The following PPM1L variants were observed in gnomAD, a reference collection of about 807,000 sequenced individuals.
The protein encoded by PPM1L is protein phosphatase, Mg2+/Mn2+ dependent 1L, also known as protein phosphatase 1L.
Under a neutral mutation model 31.4 loss-of-function variants are expected in PPM1L, and 13 were observed. The ratio of observed to expected loss-of-function variants is 0.41; its 90% CI spans 0.27 to 0.66. PPM1L has a LOEUF of 0.66. PPM1L is among the 30% of genes least tolerant of loss of function. The pLI, the probability that PPM1L is intolerant of heterozygous loss-of-function variation, is 0.29. For missense variants in PPM1L, 326 were observed against 453.7 expected (o/e 0.72, Z 2.56); for synonymous variants, 184 against 175.4 (o/e 1.05, Z -0.39).
rs1719842853 is a variant in PPM1L at position 161,069,410 on chromosome 3, A to G, written c.*253A>G. On this transcript the variant is annotated 3_prime_UTR_variant, in exon 4 of 4. Transcript: ENST00000498165. ...TCCAGTGTCCAAAATATATAAGTAA[A>G]TAGCTGTAGAGTCACATATATGAAG... is the stretch of plus-strand genomic sequence containing the variant. 2.0e-6 allele frequency: 1 copy of G among 498,794 alleles called. No individual in the cohort carries two copies. Among genetic ancestry groups the G allele is most frequent in the African/African-American group, 1.9e-5 (1 of 52,102 alleles). The allele number at this position is 498,794 out of a possible 1,614,324, so 30.9% of individuals were successfully genotyped here. A position where few individuals can be genotyped will look rare whatever the true frequency, so the allele number is the denominator to read the frequency against.
At chr3:160,992,127 C>A (rs1231549672) in intron 2 of PPM1L, among the ~76,000 whole-genome samples, 1 of 152,066 alleles carries the variant, frequency 6.6e-6, no homozygotes, top group Non-Finnish European at 1.5e-5. Context: ...TCTCCAGAAC[C>A]CAAATTCCCA....
intron 2 of PPM1L, among the ~76,000 whole-genome samples, chr3:160,963,304 A>T (rs1716026730): frequency 6.6e-6 from 1 of 152,016 alleles, no homozygotes; most frequent in South Asian, 2.1e-4. Context: ...CTTTTACTAC[A>T]CTAATGCAGG....
intron 2 of PPM1L, 72 bp downstream of exon 2, chr3:160,961,982 G>A (rs1715981364): frequency 7.9e-7 from 1 of 1,259,060 alleles, no homozygotes; most frequent in Non-Finnish European, 1.1e-6. Flanking sequence ...GATTAAACTT[G>A]GTAAAAGGTT....
chr3:160,875,668 A>G (rs1194601409), intron 1 of PPM1L, among the ~76,000 whole-genome samples: 1 of 152,246 alleles, frequency 6.6e-6, no homozygotes, highest in African/African-American at 2.4e-5. Flanking sequence ...TCATTTAATC[A>G]TTATAACAAT....
chr3:161,053,083 G>A (rs1719322064), intron 2 of PPM1L, among the ~76,000 whole-genome samples: 1 of 152,188 alleles, frequency 6.6e-6, no homozygotes, highest in East Asian at 1.9e-4. Context: ...ATAACACGAA[G>A]ACGTGAAAAA....
chr3:160,806,745 A>AAAAGAAAG (rs200449392), intron 1 of PPM1L, among the ~76,000 whole-genome samples: 46 of 151,622 alleles, frequency 3.0e-4, no homozygotes, highest in African/African-American at 1.1e-3. Context: ...TGGTCTCTGA[A>AAAAGAAAG]AAAGAAAGAA....
intron 2 of PPM1L, among the ~76,000 whole-genome samples, chr3:161,058,003 G>C (rs963226555): frequency 6.6e-6 from 1 of 151,758 alleles, no homozygotes; most frequent in African/African-American, 2.4e-5. Flanking sequence ...GCTGAAAGGG[G>C]CCTGGAGGTT....
rs147766260 is a variant in PPM1L, at chr3:160,893,701, A to T, written c.400-68035A>T. ...AAAACAAAAAATTATGCTATACTTG[A>T]AGGCCATTTTAGCTGAGTTATAAAA... On this transcript the variant is annotated intron_variant, in intron 1 of 3. Coordinates refer to ENST00000498165, the MANE Select transcript of PPM1L (RefSeq NM_139245.4). Among the ~76,000 whole-genome samples, 13 of 152,312 alleles carry T rather than the reference A, an allele frequency of 8.5e-5. No individual in the cohort carries two copies. In the East Asian group the frequency reaches 2.3e-3, roughly 27 times the overall value.
chr3:160,833,899 A>G (rs1223487248), intron 1 of PPM1L, among the ~76,000 whole-genome samples: 1 of 151,144 alleles, frequency 6.6e-6, no homozygotes, highest in Non-Finnish European at 1.5e-5. Flanking sequence ...GGGTTTTTAT[A>G]GTTTTGGGAT....
chr3:160,886,729 A>C (rs1576690738), intron 1 of PPM1L, among the ~76,000 whole-genome samples: 2 of 152,168 alleles, frequency 1.3e-5, no homozygotes, highest in Admixed American at 1.3e-4. Flanking sequence ...AAAGATGGAA[A>C]CTAGACAAAC....
chr3:161,073,707 G>A lies in PPM1L; in HGVS notation c.*4550G>A, dbSNP rs533834192. 19 of 152,240 alleles carry A rather than the reference G, an allele frequency of 1.2e-4. No homozygotes were observed. Among genetic ancestry groups the A allele is most frequent in the Non-Finnish European group, 1.5e-4 (10 of 68,108 alleles). The allele number at this position is 152,240 out of a possible 1,614,324, so 9.4% of individuals were successfully genotyped here. The stretch of plus-strand genomic sequence containing the variant: ...CTCCTGAGCAGCTGGGACTACAGGC[G>A]GCCTCCACCACACCTGGCTAATTTT... On this transcript the variant is annotated 3_prime_UTR_variant, in exon 4 of 4. Coordinates refer to ENST00000498165, the MANE Select transcript of PPM1L (RefSeq NM_139245.4).
Position 160,806,634 on chromosome 3 carries a change from C to T in PPM1L, c.399+49927C>T, listed in dbSNP as rs1202524514. On this transcript the variant is annotated intron_variant, in intron 1 of 3. Transcript: ENST00000498165. ...TTTAAAAATCGAAGTAACATCTTGG[C>T]ACAGTGGCGGGCTGTAGACCCAGCT... is the stretch of plus-strand genomic sequence containing the variant. 5.3e-5 allele frequency among the ~76,000 whole-genome samples: 8 copies of T among 152,124 alleles called. No individual in the cohort carries two copies. The East Asian group carries it at 1.4e-3, about 26-fold the overall frequency.
chr3:160,928,120 AC>A (rs1714662128), intron 1 of PPM1L, among the ~76,000 whole-genome samples: 1 of 152,176 alleles, frequency 6.6e-6, no homozygotes, highest in Non-Finnish European at 1.5e-5. Flanking sequence ...TGGAAAGGAT[AC>A]CAGATTTATA....
intron 1 of PPM1L, among the ~76,000 whole-genome samples, chr3:160,804,485 C>T (rs999109151): frequency 7.2e-5 from 11 of 151,896 alleles, no homozygotes; most frequent in Non-Finnish European, 1.2e-4. Flanking sequence ...TTGAGAAAAC[C>T]TGAAGAAAAA....
chr3:160,873,116 C>G (rs970990710), intron 1 of PPM1L, among the ~76,000 whole-genome samples: 2 of 152,098 alleles, frequency 1.3e-5, no homozygotes, highest in Non-Finnish European at 2.9e-5. Context: ...TGAACAGTTA[C>G]CTTGGCATGG....
intron 1 of PPM1L, among the ~76,000 whole-genome samples, chr3:160,818,115 A>G (rs866184927): frequency 5.3e-5 from 8 of 152,130 alleles, no homozygotes; most frequent in Admixed American, 2.6e-4. Flanking sequence ...AAGGAATTTG[A>G]AGAAGTTTAA....
At chr3:160,944,792 TTATATATAACATATATAACA>T (rs1364130561) in intron 1 of PPM1L, among the ~76,000 whole-genome samples, 1 of 29,090 alleles carries the variant, frequency 3.4e-5, no homozygotes, top group Non-Finnish European at 1.2e-4. Context: ...ATTATATATG[TTATATATAACATATATAACA>T]TATATATGTT....
At chr3:160,955,434 A>G (rs1241967352) in intron 1 of PPM1L, among the ~76,000 whole-genome samples, 3 of 151,908 alleles carry the variant, frequency 2.0e-5, no homozygotes, top group Non-Finnish European at 4.4e-5. Flanking sequence ...ACCTAACATA[A>G]CTCATGCATT....
chr3:160,814,725 G>A (rs1307256273), intron 1 of PPM1L, among the ~76,000 whole-genome samples: 1 of 125,342 alleles, frequency 8.0e-6, no homozygotes, highest in Non-Finnish European at 1.6e-5. Flanking sequence ...GTATGTATAC[G>A]TGTATATATG....
Sources: allele counts gnomAD v4.1 joint callset (sites outside exome capture counted in the v4.1 genomes callset), GRCh38; gene constraint gnomAD v4.1.1; transcripts MANE v1.5; gene names NCBI Gene and HGNC (gene_info 2026-07-23, HGNC 2026-07-21).